Variants in CRHR2 observed in about 807,000 individuals in gnomAD.
CRHR2 encodes the protein corticotropin releasing hormone receptor 2.
Under a neutral mutation model 57.9 loss-of-function variants are expected in CRHR2, and 53 were observed. The observed-to-expected ratio is 0.92, with a 90% CI of 0.73 to 1.15. The LOEUF is 1.15. Among genes scored for constraint, CRHR2 ranks in the 50% most tolerant of loss-of-function variants. The probability of loss-of-function intolerance (pLI) is 0.00; values close to 1 mark genes in which losing one functional copy is unlikely to be tolerated. For missense variants in CRHR2, 532 were observed against 542.6 expected, an observed-to-expected ratio of 0.98 and a Z score of 0.19; for synonymous variants, 213 against 220.9, an observed-to-expected ratio of 0.96 and a Z score of 0.32.
intron 2 of CRHR2, among the ~76,000 whole-genome samples, chr7:30,677,201 AAGAG>A (rs150572639): frequency 0.045 from 6,911 of 151,904 alleles, 486 homozygotes; most frequent in African/African-American, 0.16. Context: ...GAGATGGAGA[AAGAG>A]AGAGAGAGGT....
upstream of CRHR2, among the ~76,000 whole-genome samples, chr7:30,683,684 C>G (rs1292978857): frequency 1.3e-5 from 2 of 152,188 alleles, no homozygotes; most frequent in Non-Finnish European, 2.9e-5. Flanking sequence ...CGAGGCCCCT[C>G]TCAGCTCTGA....
At chr7:30,658,303 T>A (rs1172427870) in intron 8 of CRHR2, among the ~76,000 whole-genome samples, 1 of 152,180 alleles carries the variant, frequency 6.6e-6, no homozygotes, top group African/African-American at 2.4e-5. Context: ...CTGTTTCTGG[T>A]TTTATTTAAT....
chr7:30,668,913 C>T (rs1230263671), intron 2 of CRHR2, among the ~76,000 whole-genome samples: 1 of 152,226 alleles, frequency 6.6e-6, no homozygotes, highest in Non-Finnish European at 1.5e-5. Context: ...CGCCCAACTC[C>T]CCAGGTGGGA....
chr7:30,657,036 C>A (rs1234484122), intron 8 of CRHR2, among the ~76,000 whole-genome samples: 1 of 152,142 alleles, frequency 6.6e-6, no homozygotes, highest in East Asian at 1.9e-4. Context: ...CAGAGGGAGA[C>A]ACATGTTAGC....
In CRHR2 at chr7:30,653,660, A is replaced by G. The variant is rs1345209874; in HGVS notation, c.1096-60T>C. 3.3e-6 allele frequency: 5 copies of G among 1,522,950 alleles called. No individual in the cohort carries two copies. Among genetic ancestry groups the G allele is most frequent in the Non-Finnish European group, 4.4e-6 (5 of 1,142,912 alleles). The allele number at this position is 1,522,950 out of a possible 1,614,324, so 94.3% of individuals were successfully genotyped here. A position where few individuals can be genotyped will look rare whatever the true frequency, so the allele number is the denominator to read the frequency against. ...GGACCAACCCTGGGCTTCTGGGACC[A>G]TCCCCTCCTCTGCTTTCTGCTCTCA... On this transcript the variant is annotated intron_variant, in intron 11 of 11. Coordinates refer to ENST00000471646, the MANE Select transcript of CRHR2 (RefSeq NM_001883.5). This position sits in a 1 kb window ranked among gnomAD's most constrained non-coding sequence, Gnocchi z 5.0.
chr7:30,657,888 G>A (rs187503841), intron 8 of CRHR2, among the ~76,000 whole-genome samples: 7 of 151,570 alleles, frequency 4.6e-5, no homozygotes, highest in South Asian at 2.1e-4. Flanking sequence ...ATCCATCCAC[G>A]TACCCATCCA....
At chr7:30,660,690 G>A in intron 7 of CRHR2, 45 bp from the exon 8 acceptor site, 1 of 1,540,336 alleles carries the variant, frequency 6.5e-7, no homozygotes, top group East Asian at 2.4e-5. Flanking sequence ...AGCTGGAACT[G>A]GGGGACCCCC....
At chr7:30,680,522 C>T (rs1315187929) in intron 2 of CRHR2, among the ~76,000 whole-genome samples, 3 of 152,194 alleles carry the variant, frequency 2.0e-5, no homozygotes, top group Non-Finnish European at 4.4e-5. Context: ...ATGCTGATCT[C>T]CATTGCCCCA....
At chr7:30,670,851 G>A (rs1371215741) in intron 2 of CRHR2, among the ~76,000 whole-genome samples, 2 of 152,232 alleles carry the variant, frequency 1.3e-5, no homozygotes, top group Non-Finnish European at 2.9e-5. Context: ...GATGTGGAGT[G>A]TGGGCTTCCA....
intron 10 of CRHR2, among the ~76,000 whole-genome samples, 174 bp downstream of exon 10, chr7:30,655,406 T>C (rs956334748): frequency 4.6e-5 from 7 of 152,160 alleles, no homozygotes; most frequent in Admixed American, 6.5e-5. Flanking sequence ...AGACCCAGGC[T>C]GGGATGGGGA....
chr7:30,655,771 C>A, intron 9 of CRHR2, 56 bp from the exon 10 acceptor site: 1 of 1,592,030 alleles, frequency 6.3e-7, no homozygotes, highest in South Asian at 1.1e-5. Context: ...GGGCCTCACC[C>A]AGTGGGCGGC....
chr7:30,657,607 A>AT (rs1179829416), intron 8 of CRHR2, among the ~76,000 whole-genome samples: 1 of 152,170 alleles, frequency 6.6e-6, no homozygotes, highest in Non-Finnish European at 1.5e-5. Flanking sequence ...ATCAAAATAT[A>AT]TTCTCATTTC....
At chr7:30,655,787 A>G (rs1783761495) in intron 9 of CRHR2, 72 bp from the exon 10 acceptor site, 2 of 1,591,372 alleles carry the variant, frequency 1.3e-6, no homozygotes, top group Non-Finnish European at 1.7e-6. Context: ...GCGGCGGGAG[A>G]CAGTGGTGGT....
At chr7:30,662,340 A>G in intron 6 of CRHR2, 124 bp from the exon 7 acceptor site, 1 of 1,127,450 alleles carries the variant, frequency 8.9e-7, no homozygotes, top group Non-Finnish European at 1.3e-6. Flanking sequence ...CAGGCCACCC[A>G]CAACCCCAGG....
intron 11 of CRHR2, among the ~76,000 whole-genome samples, chr7:30,654,210 G>A (rs529705647): frequency 3.9e-5 from 6 of 152,318 alleles, no homozygotes; most frequent in African/African-American, 1.4e-4. Flanking sequence ...TTGGAAATTG[G>A]ATGGTGTCTC....
chr7:30,686,690 T>C, upstream of CRHR2: 1 of 546,980 alleles, frequency 1.8e-6, no homozygotes. Flanking sequence ...ATAAATAATA[T>C]GCCTCATAAT....
intron 1 of CRHR2, among the ~76,000 whole-genome samples, chr7:30,699,116 T>G (rs997070708): frequency 6.6e-6 from 1 of 152,174 alleles, no homozygotes; most frequent in Non-Finnish European, 1.5e-5. Flanking sequence ...TTGTGAGGCC[T>G]AGGACAGGTC....
At chr7:30,697,206 T>A (rs1157755538) in intron 1 of CRHR2, among the ~76,000 whole-genome samples, 1 of 152,134 alleles carries the variant, frequency 6.6e-6, no homozygotes, top group Non-Finnish European at 1.5e-5. Context: ...TGTTCTGTTC[T>A]CTTTGTTGAG....
chr7:30,682,248 C>T lies in CRHR2; in HGVS notation c.33G>A (p.Glu11=). Residue 11 remains glutamate (E), a synonymous_variant, in exon 1 of 12, where the codon GAG becomes GAA. Coordinates refer to ENST00000471646, the MANE Select transcript of CRHR2 (RefSeq NM_001883.5). MDAALLHSLL[E]ANCSLALAEE... The stretch of plus-strand genomic sequence containing the variant: ...CAGCCAGCGCCAGGCTGCAGTTGGC[C>T]TCCAGCAGGCTGTGGAGCAGTGCCG... 1 of 1,587,712 alleles carries T rather than the reference C, an allele frequency of 6.3e-7. No individual in the cohort carries two copies. The highest frequency in any genetic ancestry group is 8.5e-7 in the Non-Finnish European group (1 of 1,174,170).
Sources: allele counts gnomAD v4.1 joint callset (sites outside exome capture counted in the v4.1 genomes callset), GRCh38; gene constraint gnomAD v4.1.1; non-coding constraint Gnocchi (gnomAD v3.1); transcripts MANE v1.5; gene names NCBI Gene and HGNC (gene_info 2026-07-23, HGNC 2026-07-21).